MTSS2: variants seen among roughly 807,000 people sequenced by gnomAD.
The protein encoded by MTSS2 is protein MTSS 2.
In MTSS2, 27 loss-of-function variants were observed where a neutral mutation model predicts 67.1. The observed-to-expected ratio is 0.40, with a 90% CI of 0.30 to 0.55. The LOEUF (loss-of-function observed/expected upper bound fraction) is 0.55. Among genes scored for constraint, MTSS2 ranks in the 20% least tolerant of loss-of-function variants. The pLI is 0.43. For synonymous variants in MTSS2, 624 were observed against 468.6 expected (o/e 1.33, Z -4.28); for missense variants, 1,171 against 1,067.8 (o/e 1.10, Z -1.35).
intron 7 of MTSS2, 36 bp downstream of exon 7, chr16:70,679,279 G>A (rs371956562): frequency 1.4e-5 from 22 of 1,612,724 alleles, no homozygotes; most frequent in East Asian, 4.5e-5. Flanking sequence ...CGACAAGGAC[G>A]GGAGGAGCAG....
In MTSS2 at chr16:70,679,963, C is replaced by G. The variant is rs2053248263; in HGVS notation, c.290+8G>C. ...CCGCCCCCCTGCCCGCCCGCAGCGC[C>G]CACTCACTTGGTGAACTGCCGCAGC... On this transcript the variant is annotated splice_region_variant and intron_variant, in intron 4 of 14. Coordinates refer to ENST00000338779, the MANE Select transcript of MTSS2 (RefSeq NM_138383.3). 1 of 1,493,604 alleles carries G rather than the reference C, an allele frequency of 6.7e-7. No homozygotes were observed. Among genetic ancestry groups the G allele is most frequent in the African/African-American group, 1.4e-5 (1 of 70,658 alleles). The allele number at this position is 1,493,604 out of a possible 1,614,324, so 92.5% of individuals were successfully genotyped here. A position where few individuals can be genotyped will look rare whatever the true frequency, so the allele number is the denominator to read the frequency against.
chr16:70,672,459 G>A (rs1257126207), intron 11 of MTSS2, among the ~76,000 whole-genome samples: 2 of 150,516 alleles, frequency 1.3e-5, no homozygotes, highest in African/African-American at 2.4e-5. Flanking sequence ...GGCAAAAATA[G>A]AAGACTGTAC....
intron 10 of MTSS2, 24 bp from the exon 11 acceptor site, chr16:70,674,552 A>G: frequency 6.2e-7 from 1 of 1,603,778 alleles, no homozygotes; most frequent in Non-Finnish European, 8.5e-7. Flanking sequence ...GGAAGAGGGC[A>G]CAGCAGCCAG....
chr16:70,667,839 C>T (rs1457449728), intron 11 of MTSS2, among the ~76,000 whole-genome samples: 4 of 151,980 alleles, frequency 2.6e-5, no homozygotes, highest in Non-Finnish European at 5.9e-5. Flanking sequence ...CGCCACTGCA[C>T]TCCAGCCTGG....
At chr16:70,677,679 C>T in intron 9 of MTSS2, 113 bp downstream of exon 9, 1 of 804,272 alleles carries the variant, frequency 1.2e-6, no homozygotes, top group East Asian at 2.7e-5. Flanking sequence ...GTCTTATGCC[C>T]CTAGCTGCCT....
intron 9 of MTSS2, 67 bp from the exon 10 acceptor site, chr16:70,677,045 C>G: frequency 3.3e-6 from 4 of 1,223,732 alleles, no homozygotes; most frequent in Non-Finnish European, 4.6e-6. Context: ...CAGAGGCCCC[C>G]CCCCACTCTC....
Position 70,679,618 on chromosome 16 carries a change from G to A in MTSS2, c.457+12C>T, listed in dbSNP as rs533123727. The A allele has an allele frequency of 1.3e-6, 2 of 1,591,462 alleles. No homozygotes were observed. The highest frequency in any genetic ancestry group is 3.5e-5 in the Admixed American group (2 of 57,162). ...CGTGGGGCTGTGGCTGGGGGGCCGC[G>A]CCAGGCACTACCTTTGCGCGCCTTC... On this transcript the variant is annotated intron_variant, in intron 6 of 14. Coordinates refer to ENST00000338779, the MANE Select transcript of MTSS2 (RefSeq NM_138383.3).
At position 70,661,603 on chromosome 16, in the gene MTSS2, G is replaced by A; in HGVS notation, c.*2074C>T. On this transcript the variant is annotated 3_prime_UTR_variant, in exon 15 of 15. Transcript: ENST00000338779. ...GGTTGGCTCGGATCCCGAGGTGGGT[G>A]GGCCTATGAGGTGGTTGCTAAGTCG... 2.9e-6 allele frequency: 1 copy of A among 349,722 alleles called. No homozygotes were observed. Among genetic ancestry groups the A allele is most frequent in the South Asian group, 2.2e-5 (1 of 45,566 alleles). The allele number at this position is 349,722 out of a possible 1,614,324, so 21.7% of individuals were successfully genotyped here.
intron 3 of MTSS2, 38 bp from the exon 4 acceptor site, chr16:70,680,093 G>A (rs1235813965): frequency 8.6e-6 from 12 of 1,395,972 alleles, no homozygotes; most frequent in South Asian, 1.5e-5. Flanking sequence ...GGGCCCGCTG[G>A]GGCCTGCGCA....
chr16:70,679,155 C>T (rs2053216683), intron 7 of MTSS2, among the ~76,000 whole-genome samples, 160 bp downstream of exon 7: 1 of 152,176 alleles, frequency 6.6e-6, no homozygotes, highest in East Asian at 1.9e-4. Context: ...CCCCGGGGGC[C>T]CCAGGGGGAC....
chr16:70,679,502 G>A, intron 6 of MTSS2, 128 bp downstream of exon 6: 1 of 1,252,518 alleles, frequency 8.0e-7, no homozygotes, highest in East Asian at 2.5e-5. Context: ...CACCCAACAG[G>A]TTGGAGGGTC....
chr16:70,681,934 A>G (rs2053316501), intron 1 of MTSS2, among the ~76,000 whole-genome samples: 1 of 152,208 alleles, frequency 6.6e-6, no homozygotes, highest in Non-Finnish European at 1.5e-5. Flanking sequence ...GCCAAGCCCC[A>G]GCCCACAGGG....
intron 11 of MTSS2, among the ~76,000 whole-genome samples, chr16:70,669,170 C>A (rs1260768808): frequency 1.3e-5 from 2 of 152,020 alleles, no homozygotes; most frequent in Non-Finnish European, 2.9e-5. Flanking sequence ...ATAAACTGGA[C>A]TATTTTAAAA....
At chr16:70,679,527 G>C in intron 6 of MTSS2, 103 bp downstream of exon 6, 2 of 1,337,968 alleles carry the variant, frequency 1.5e-6, no homozygotes. Context: ...GTCGGGGACA[G>C]CGCCCCTCTG....
Position 70,664,609 on chromosome 16 carries a change from A to C in MTSS2, c.1460T>G (p.Ile487Ser). Residue 487 changes from isoleucine (I) to serine (S), a missense_variant, in exon 14 of 15, where the codon ATC becomes AGC. Coordinates refer to ENST00000338779, the MANE Select transcript of MTSS2 (RefSeq NM_138383.3). Reference protein sequence around the residue: ...TTTPSCSEDTIPSQGSDYDCY... With the variant: ...TTTPSCSEDTSPSQGSDYDCY... ...CCCCGCGGGCCTGCCTTGGGAGGGG[A>C]TGGTGTCCTCAGAGCAGGAGGGCGT... The C allele has an allele frequency of 6.2e-7, 1 of 1,612,374 alleles. No individual in the cohort carries two copies. The highest frequency in any genetic ancestry group is 1.8e-4 in the Middle Eastern group (1 of 5,428).
At position 70,661,719 on chromosome 16, in the gene MTSS2, C is replaced by T. The variant is rs892765256; in HGVS notation, c.*1958G>A. 1.4e-4 allele frequency: 31 copies of T among 227,448 alleles called. No individual in the cohort carries two copies. The highest frequency in any genetic ancestry group is 1.5e-4 in the East Asian group (1 of 6,810). 14.1% of individuals were successfully genotyped at this position (227,448 alleles called of 1,614,324 possible). ...CGGGGCTCACAGGGGAGGGGGACGG[C>T]GGAGTCGGTGGGGGCTGTGCCACAC... On this transcript the variant is annotated 3_prime_UTR_variant, in exon 15 of 15. Transcript: ENST00000338779.
rs769880910 is a variant in MTSS2 at position 70,685,697 on chromosome 16, G to T, written c.69+26C>A. On this transcript the variant is annotated intron_variant, in intron 1 of 14. Transcript: ENST00000338779. ...GGGGGTCCCGCACCCGTCGCCGCGCGCCCGGCCCCGCCGCGCCCCGGTTAC... is the reference window on the plus strand; with the variant it reads ...GGGGGTCCCGCACCCGTCGCCGCGCTCCCGGCCCCGCCGCGCCCCGGTTAC... The T allele has an allele frequency of 7.0e-6, 9 of 1,277,646 alleles. No homozygotes were observed. The Admixed American group carries it at 1.3e-4, about 19-fold the overall frequency. 79.1% of individuals were successfully genotyped at this position (1,277,646 alleles called of 1,614,324 possible). A position where few individuals can be genotyped will look rare whatever the true frequency, so the allele number is the denominator to read the frequency against.
chr16:70,671,689 C>A (rs1487305227), intron 11 of MTSS2, among the ~76,000 whole-genome samples: 2 of 152,146 alleles, frequency 1.3e-5, no homozygotes, highest in African/African-American at 4.8e-5. Context: ...TCAAAAGTAT[C>A]CCCTCACAGG....
chr16:70,678,897 T>C (rs1298859344), intron 7 of MTSS2, among the ~76,000 whole-genome samples: 2 of 151,456 alleles, frequency 1.3e-5, no homozygotes, highest in African/African-American at 4.9e-5. Context: ...TCAGTGTGGG[T>C]CCCCACTCAG....
Sources: allele counts gnomAD v4.1 joint callset (sites outside exome capture counted in the v4.1 genomes callset), GRCh38; gene constraint gnomAD v4.1.1; transcripts MANE v1.5; gene names NCBI Gene and HGNC (gene_info 2026-07-23, HGNC 2026-07-21).